The following TNFRSF8 variants were observed in gnomAD, a reference collection of about 807,000 sequenced individuals.
TNFRSF8 encodes tumor necrosis factor receptor superfamily member 8.
A neutral mutation model predicts 70.8 loss-of-function variants in TNFRSF8; 26 were observed. That is an observed-to-expected ratio of 0.37 (90% CI 0.27 to 0.51). The LOEUF (loss-of-function observed/expected upper bound fraction) is 0.51, where lower values mean the gene tolerates loss of function less well. TNFRSF8 is among the 20% of genes least tolerant of loss of function. TNFRSF8 has a pLI of 0.94. For synonymous variants in TNFRSF8, 356 were observed against 339.2 expected, an observed-to-expected ratio of 1.05 and a Z score of -0.54; for missense variants, 720 against 807.9, an observed-to-expected ratio of 0.89 and a Z score of 1.32.
chr1:12,111,917 A>T lies in TNFRSF8; in HGVS notation c.696A>T (p.Pro232=), dbSNP rs746696142. ...CCCCAGGTCTGTCCCCAACACAGCC[A>T]TGCCCAGAGGGGTCTGGTGATTGCA... ...SSDPGLSPTQ[P]CPEGSGDCRK... The change falls in exon 7 of 15, where the codon CCA becomes CCT. Residue 232 remains proline (P), a synonymous_variant. Coordinates refer to ENST00000263932, the MANE Select transcript of TNFRSF8 (RefSeq NM_001243.5). The T allele has an allele frequency of 6.2e-7, 1 of 1,614,088 alleles. No homozygotes were observed. Among genetic ancestry groups the T allele is most frequent in the Admixed American group, 1.7e-5 (1 of 60,010 alleles).
intron 1 of TNFRSF8, among the ~76,000 whole-genome samples, chr1:12,069,048 T>C (rs1304138395): frequency 6.7e-6 from 1 of 149,860 alleles, no homozygotes; most frequent in East Asian, 1.9e-4. Flanking sequence ...ATTTTTTGTA[T>C]TTTTAGTAGA....
chr1:12,116,309 C>T (rs1392435525), intron 8 of TNFRSF8, among the ~76,000 whole-genome samples: 1 of 152,132 alleles, frequency 6.6e-6, no homozygotes, highest in African/African-American at 2.4e-5. Context: ...GACCTGTTTG[C>T]AAGGCTGTTT....
At chr1:12,081,389 C>A (rs1641059844) in intron 1 of TNFRSF8, among the ~76,000 whole-genome samples, 1 of 152,120 alleles carries the variant, frequency 6.6e-6, no homozygotes, top group Non-Finnish European at 1.5e-5. Flanking sequence ...CAGGCCCAGG[C>A]TACTGAACTC....
In TNFRSF8 at chr1:12,142,321, C is replaced by A; in HGVS notation, c.1578C>A (p.Ile526=). 6.2e-7 allele frequency: 1 copy of A among 1,603,898 alleles called. No individual in the cohort carries two copies. The highest frequency in any genetic ancestry group is 8.5e-7 in the Non-Finnish European group (1 of 1,175,240). ...ACATCATGAAGGCTGACACCGTGAT[C>A]GTGGGGACCGTGAAGGCTGAGCTGC... The part of the protein sequence containing the change: ...KIYIMKADTV[I]VGTVKAELPE... Residue 526 remains isoleucine (I), a synonymous_variant, in exon 15 of 15, where the codon ATC becomes ATA. Transcript: ENST00000263932. This position sits in a 1 kb window ranked among gnomAD's most constrained non-coding sequence, Gnocchi z 5.0.
intron 8 of TNFRSF8, among the ~76,000 whole-genome samples, chr1:12,116,905 G>A (rs1277063766): frequency 6.6e-6 from 1 of 152,110 alleles, no homozygotes. Flanking sequence ...GAGAGGCTCT[G>A]GGCTTGGAAG....
At chr1:12,111,327 G>A (rs1570043913) in intron 6 of TNFRSF8, among the ~76,000 whole-genome samples, 2 of 151,930 alleles carry the variant, frequency 1.3e-5, no homozygotes, top group Non-Finnish European at 2.9e-5. Context: ...GATTACAGGC[G>A]CCTGCCACCA....
At chr1:12,071,314 C>A (rs1640841701) in intron 1 of TNFRSF8, among the ~76,000 whole-genome samples, 1 of 152,116 alleles carries the variant, frequency 6.6e-6, no homozygotes, top group African/African-American at 2.4e-5. Context: ...CGGTGTGTGC[C>A]TGTAGTCCCA....
intron 2 of TNFRSF8, among the ~76,000 whole-genome samples, chr1:12,093,798 C>T (rs564557759): frequency 6.6e-5 from 10 of 152,158 alleles, no homozygotes; most frequent in African/African-American, 1.4e-4. Context: ...GGGCTGGGTG[C>T]GGTGGCTCAC....
At position 12,110,681 on chromosome 1, in the gene TNFRSF8, C is replaced by G. The variant is rs1334054959; in HGVS notation, c.676+477C>G. 6.6e-6 allele frequency among the ~76,000 whole-genome samples: 1 copy of G among 152,170 alleles called. No individual in the cohort carries two copies. The highest frequency in any genetic ancestry group is 1.9e-4 in the East Asian group (1 of 5,192). ...TGGCGCAATCTCGGCTCACTGCCAC[C>G]TCCACCTCCTGGGTTCAAGCGATTC... is the stretch of plus-strand genomic sequence containing the variant. On this transcript the variant is annotated intron_variant, in intron 6 of 14. Transcript: ENST00000263932. The surrounding 1 kb of genome is among the most constrained non-coding windows in gnomAD (Gnocchi z 4.0).
chr1:12,095,445 AC>A (rs1268614308), intron 2 of TNFRSF8, among the ~76,000 whole-genome samples: 1 of 151,764 alleles, frequency 6.6e-6, no homozygotes, highest in African/African-American at 2.4e-5. Flanking sequence ...CTGCCACGAC[AC>A]CCAGCTAATT....
chr1:12,094,453 T>A (rs560446288), intron 2 of TNFRSF8, among the ~76,000 whole-genome samples: 1 of 151,966 alleles, frequency 6.6e-6, no homozygotes, highest in South Asian at 2.1e-4. Flanking sequence ...AAGGGGGACA[T>A]AGGTGAGCCG....
chr1:12,118,729 G>C (rs1641778057), intron 8 of TNFRSF8, among the ~76,000 whole-genome samples: 1 of 152,190 alleles, frequency 6.6e-6, no homozygotes, highest in Non-Finnish European at 1.5e-5. Flanking sequence ...TTCCATCCCT[G>C]CCCTGCCATC....
intron 3 of TNFRSF8, among the ~76,000 whole-genome samples, chr1:12,098,064 T>C (rs1641360665): frequency 6.6e-6 from 1 of 152,208 alleles, no homozygotes; most frequent in Non-Finnish European, 1.5e-5. Context: ...AGCTATGTTA[T>C]TAGGTACATA....
Position 12,113,689 on chromosome 1 carries a change from AAGAG to A in TNFRSF8, c.793+1679_793+1682del, listed in dbSNP as rs1243117620. On this transcript the variant is annotated intron_variant, in intron 7 of 14. Transcript: ENST00000263932. The surrounding 1 kb of genome is among the most constrained non-coding windows in gnomAD (Gnocchi z 4.9). ...AGAGAGAGAGAGACAGAAAGACAGA[AAGAG>A]AGACTGAGAGACAGAGAGAGACAGA... Among the ~76,000 whole-genome samples, 6 of 93,580 alleles carry A rather than the reference AAGAG, an allele frequency of 6.4e-5. No homozygotes were observed. Among genetic ancestry groups the A allele is most frequent in the East Asian group, 6.5e-4 (1 of 1,544 alleles). The allele number at this position is 93,580 out of a possible 152,430, so 61.4% of individuals were successfully genotyped here.
chr1:12,110,295 T>C lies in TNFRSF8; in HGVS notation c.676+91T>C, dbSNP rs1023448985. ...GGGGGTGTTTGGAGCAGGCGGGCAGTGATCTGTGGTCTTTTCCTGGTGGGG... is the reference window on the plus strand; with the variant it reads ...GGGGGTGTTTGGAGCAGGCGGGCAGCGATCTGTGGTCTTTTCCTGGTGGGG... On this transcript the variant is annotated intron_variant, in intron 6 of 14. Coordinates refer to ENST00000263932, the MANE Select transcript of TNFRSF8 (RefSeq NM_001243.5). This position sits in a 1 kb window ranked among gnomAD's most constrained non-coding sequence, Gnocchi z 4.0. 1.4e-5 allele frequency: 19 copies of C among 1,321,156 alleles called. No individual in the cohort carries two copies. Among genetic ancestry groups the C allele is most frequent in the Non-Finnish European group, 1.7e-5 (17 of 985,288 alleles). 81.8% of individuals were successfully genotyped at this position (1,321,156 alleles called of 1,614,324 possible).
chr1:12,078,528 C>T (rs1641006725), intron 1 of TNFRSF8, among the ~76,000 whole-genome samples: 6 of 152,172 alleles, frequency 3.9e-5, no homozygotes, highest in Admixed American at 3.3e-4. Context: ...CGCACCACTG[C>T]ACTCCAGCTT....
Position 12,115,724 on chromosome 1 carries a change from C to T in TNFRSF8, c.941C>T (p.Pro314Leu), listed in dbSNP as rs141089207. The stretch of plus-strand genomic sequence containing the variant: ...TGTGCAGCAGAGACGGTCACCAAGC[C>T]CCAGGGTAAGCAGTTCCCACCCCAG... ...PICAAETVTK[P>L]QDMAEKDTTF... is the part of the protein sequence containing the mutation. Residue 314 changes from proline to leucine, a missense_variant, in exon 8 of 15, where the codon CCC becomes CTC. Transcript: ENST00000263932. The T allele has an allele frequency of 8.7e-6, 14 of 1,613,946 alleles. No homozygotes were observed. Among genetic ancestry groups the T allele is most frequent in the Non-Finnish European group, 1.2e-5 (14 of 1,179,972 alleles).
chr1:12,125,929 G>A (rs375095454), intron 10 of TNFRSF8, 22 bp from the exon 11 acceptor site: 5 of 1,603,758 alleles, frequency 3.1e-6, no homozygotes, highest in Non-Finnish European at 3.4e-6. Flanking sequence ...GGCAAAGAGT[G>A]TGGGGCGTCT....
At chr1:12,073,718 C>T (rs1000845657) in intron 1 of TNFRSF8, among the ~76,000 whole-genome samples, 3 of 151,386 alleles carry the variant, frequency 2.0e-5, no homozygotes, top group Non-Finnish European at 2.9e-5. Flanking sequence ...CTCAGGATCC[C>T]GAGTAGCTGG....
Sources: gnomAD v4.1 joint callset for allele counts (sites outside exome capture counted in the v4.1 genomes callset) on GRCh38, gnomAD v4.1.1 for gene constraint, Gnocchi (gnomAD v3.1) non-coding constraint, MANE v1.5 for transcripts, NCBI Gene and HGNC (gene_info 2026-07-23, HGNC 2026-07-21) for gene names.